GPA33: variants seen among roughly 807,000 people sequenced by gnomAD.
GPA33 encodes the protein cell surface A33 antigen.
GPA33 carries 27 observed loss-of-function variants against 35.6 expected under a neutral mutation model. The observed-to-expected ratio is 0.76, with a 90% confidence interval of 0.56 to 1.04. GPA33 has a LOEUF of 1.04. Ranked by LOEUF, GPA33 falls within the 50% of genes least tolerant of loss-of-function variation. The pLI is 0.00. For missense variants in GPA33, 428 were observed against 411.9 expected (o/e 1.04, Z -0.34); for synonymous variants, 176 against 164.0 (o/e 1.07, Z -0.56).
At chr1:167,055,384 T>C (rs961938627) in intron 5 of GPA33, among the ~76,000 whole-genome samples, 7 of 152,180 alleles carry the variant, frequency 4.6e-5, no homozygotes, top group African/African-American at 1.7e-4. Context: ...AAGCTAGATT[T>C]GGTGTCTCAC....
At chr1:167,085,744 G>A (rs142812388) in intron 1 of GPA33, among the ~76,000 whole-genome samples, 14 of 152,330 alleles carry the variant, frequency 9.2e-5, no homozygotes, top group South Asian at 2.1e-4. Context: ...GACAGTAACC[G>A]GAGAAGCAGC....
chr1:167,080,540 A>G (rs1014789162), intron 1 of GPA33, among the ~76,000 whole-genome samples: 1 of 152,230 alleles, frequency 6.6e-6, no homozygotes. Flanking sequence ...CAAACATTGC[A>G]GCCAAACTAT....
chr1:167,066,981 T>C (rs540469728), intron 3 of GPA33, among the ~76,000 whole-genome samples: 7 of 152,366 alleles, frequency 4.6e-5, no homozygotes, highest in African/African-American at 1.7e-4. Context: ...GCTGGCTGCC[T>C]TAAAATAGCC....
chr1:167,055,159 C>T, intron 5 of GPA33, 48 bp from the exon 6 acceptor site: 3 of 1,599,594 alleles, frequency 1.9e-6, no homozygotes, highest in Non-Finnish European at 2.6e-6. Context: ...TAAGCTAGCT[C>T]CGGGTCTCCT....
chr1:167,057,762 T>C (rs1048170312), intron 4 of GPA33, among the ~76,000 whole-genome samples: 1 of 152,236 alleles, frequency 6.6e-6, no homozygotes, highest in African/African-American at 2.4e-5. Flanking sequence ...TCCTCAATAT[T>C]TCAATCTCCA....
Position 167,063,019 on chromosome 1 carries a change from A to G in GPA33, c.571+563T>C, listed in dbSNP as rs1452467941. Reference sequence around the variant, plus strand: ...TATCAGGGCACGTTCATCCAAGAGAACTGAGGAATGAGGAACAAAGAAAAC... The same window carrying G: ...TATCAGGGCACGTTCATCCAAGAGAGCTGAGGAATGAGGAACAAAGAAAAC... On this transcript the variant is annotated intron_variant, in intron 4 of 6. Coordinates refer to ENST00000367868, the MANE Select transcript of GPA33 (RefSeq NM_005814.3). Among the ~76,000 whole-genome samples the G allele has an allele frequency of 2.0e-5, 3 of 152,348 alleles. No individual in the cohort carries two copies. The East Asian group carries it at 5.8e-4, about 29-fold the overall frequency.
intron 4 of GPA33, among the ~76,000 whole-genome samples, chr1:167,057,181 A>C (rs1666326007): frequency 6.6e-6 from 1 of 152,068 alleles, no homozygotes; most frequent in Non-Finnish European, 1.5e-5. Flanking sequence ...TTCGGAAAGC[A>C]GGAGTGAAAA....
chr1:167,074,933 G>T (rs1666794021), intron 1 of GPA33, among the ~76,000 whole-genome samples: 1 of 138,184 alleles, frequency 7.2e-6, no homozygotes, highest in South Asian at 2.2e-4. Context: ...TTTTGAGAGA[G>T]AGTCTCGCTC....
chr1:167,066,307 G>T (rs190296788), intron 3 of GPA33, among the ~76,000 whole-genome samples: 130 of 152,300 alleles, frequency 8.5e-4, no homozygotes, highest in African/African-American at 3.1e-3. Context: ...AAAGGCATCC[G>T]AATGCATCCA....
intron 2 of GPA33, among the ~76,000 whole-genome samples, chr1:167,072,407 G>T (rs544397996): frequency 6.6e-6 from 1 of 152,212 alleles, no homozygotes; most frequent in African/African-American, 2.4e-5. Flanking sequence ...AGAATGCTCT[G>T]TGTTGGAGAA....
At position 167,052,880 on chromosome 1, in the gene GPA33, A is replaced by G. The variant is rs1044375923; in HGVS notation, c.*1454T>C. ...TTTTATTATTACTGAAAGCATTTGG[A>G]ATGAAGCAAAGGATTTAACAATATA... is the stretch of plus-strand genomic sequence containing the variant. On this transcript the variant is annotated 3_prime_UTR_variant, in exon 7 of 7. Transcript: ENST00000367868. 6 of 152,218 alleles carry G rather than the reference A, an allele frequency of 3.9e-5. No individual in the cohort carries two copies. Among genetic ancestry groups the G allele is most frequent in the Non-Finnish European group, 8.8e-5 (6 of 68,042 alleles). 9.4% of individuals were successfully genotyped at this position (152,218 alleles called of 1,614,324 possible).
At position 167,073,529 on chromosome 1, in the gene GPA33, G is replaced by C. The variant is rs750356719; in HGVS notation, c.54C>G (p.Thr18=). 3 of 1,613,466 alleles carry C rather than the reference G, an allele frequency of 1.9e-6. No individual in the cohort carries two copies. The highest frequency in any genetic ancestry group is 2.5e-6 in the Non-Finnish European group (3 of 1,179,692). ...GAGTTTCCACAGAGATGGCATCGAC[G>C]GTCACCCTGACTGGAAAGAAAGTAG... The part of the protein sequence containing the change: ...VLWTLCAVRV[T]VDAISVETPQ... Residue 18 remains threonine, a synonymous_variant, in exon 2 of 7, where the codon ACC becomes ACG. Transcript: ENST00000367868.
intron 1 of GPA33, 27 bp from the exon 2 acceptor site, chr1:167,073,566 G>A: frequency 2.5e-6 from 4 of 1,605,806 alleles, no homozygotes; most frequent in Non-Finnish European, 2.6e-6. Context: ...CAGTGGAAGG[G>A]AAAAGTAAGC....
intron 1 of GPA33, among the ~76,000 whole-genome samples, chr1:167,086,050 C>A (rs1339334279): frequency 2.0e-5 from 3 of 152,234 alleles, no homozygotes; most frequent in Non-Finnish European, 4.4e-5. Context: ...GAACACCTAA[C>A]CTTCTTAGAC....
intron 4 of GPA33, among the ~76,000 whole-genome samples, chr1:167,056,718 GTAGTGT>G (rs1558001923): frequency 0.14 from 786 of 5,614 alleles, 2 homozygotes; most frequent in South Asian, 0.15. Context: ...TAGTGTGTGT[GTAGTGT>G]GTGATGTATG....
chr1:167,056,696 G>A (rs1336252609), intron 4 of GPA33, among the ~76,000 whole-genome samples: 3 of 144,248 alleles, frequency 2.1e-5, no homozygotes, highest in African/African-American at 2.5e-5. Flanking sequence ...TGTGGTGGGT[G>A]TGTGGTGTGT....
chr1:167,072,659 A>G (rs1346742940), intron 2 of GPA33, among the ~76,000 whole-genome samples: 1 of 152,236 alleles, frequency 6.6e-6, no homozygotes, highest in East Asian at 1.9e-4. Context: ...TGGTACATAT[A>G]GTACCTTCAT....
intron 1 of GPA33, 77 bp downstream of exon 1, chr1:167,090,168 A>T: frequency 9.6e-6 from 11 of 1,140,662 alleles, no homozygotes; most frequent in Non-Finnish European, 1.3e-5. Context: ...GAAGGCTCTG[A>T]CAGAGCCTCT....
intron 1 of GPA33, among the ~76,000 whole-genome samples, chr1:167,085,976 A>C (rs1169367851): frequency 6.6e-6 from 1 of 152,214 alleles, no homozygotes. Context: ...TTCACTTCCC[A>C]GGTGACTCTG....
Sources: gnomAD v4.1 joint callset for allele counts (sites outside exome capture counted in the v4.1 genomes callset) on GRCh38, gnomAD v4.1.1 for gene constraint, MANE v1.5 for transcripts, NCBI Gene and HGNC (gene_info 2026-07-23, HGNC 2026-07-21) for gene names.